Variants in CDK12 observed in about 807,000 individuals in gnomAD.
The protein encoded by CDK12 is cyclin-dependent kinase 12.
Under a neutral mutation model 133.8 loss-of-function variants are expected in CDK12, and 17 were observed. That is an observed-to-expected ratio of 0.13 (90% confidence interval 0.09 to 0.19). The LOEUF is 0.19. CDK12 is among the 10% of genes least tolerant of loss of function. The pLI is 1.00. For missense variants in CDK12, 1,508 were observed against 1,818.7 expected, an observed-to-expected ratio of 0.83 and a Z score of 3.11; for synonymous variants, 694 against 683.6, an observed-to-expected ratio of 1.02 and a Z score of -0.24.
upstream of CDK12, among the ~76,000 whole-genome samples, chr17:39,548,331 T>C (rs1321123448): frequency 1.3e-5 from 2 of 152,202 alleles, no homozygotes; most frequent in African/African-American, 4.8e-5. Context: ...CCAGCTGAAC[T>C]TGGGAAGCCC....
intron 8 of CDK12, among the ~76,000 whole-genome samples, chr17:39,511,843 CTTTG>C (rs2053524710): frequency 2.6e-5 from 4 of 151,450 alleles, no homozygotes; most frequent in Non-Finnish European, 4.4e-5. Context: ...TTTGTTTAAA[CTTTG>C]TTTGAATTGA....
At chr17:39,539,530 T>C (rs1236367589), downstream of CDK12, among the ~76,000 whole-genome samples, 3 of 152,202 alleles carry the variant, frequency 2.0e-5, no homozygotes, top group African/African-American at 7.2e-5. Flanking sequence ...CCATGAGGGC[T>C]GCTTCAGTGG....
At chr17:39,517,404 C>G (rs545643484) in intron 9 of CDK12, 36 bp from the exon 10 acceptor site, 4 of 1,168,790 alleles carry the variant, frequency 3.4e-6, no homozygotes, top group African/African-American at 1.5e-5. Flanking sequence ...TGTTGACTCA[C>G]TCACTCCATT....
chr17:39,494,043 G>T (rs2051866508), intron 4 of CDK12, among the ~76,000 whole-genome samples: 1 of 151,902 alleles, frequency 6.6e-6, no homozygotes, highest in Non-Finnish European at 1.5e-5. Context: ...GCCAGGAAAG[G>T]GAATATAAAA....
downstream of CDK12, chr17:39,567,255 G>A (rs1394633237): frequency 1.3e-5 from 2 of 152,226 alleles, no homozygotes; most frequent in Non-Finnish European, 2.9e-5. Context: ...GCTCTGACCT[G>A]TCTTTCTCTG....
At chr17:39,511,489 C>A in intron 7 of CDK12, 40 bp from the exon 8 acceptor site, 2 of 1,236,856 alleles carry the variant, frequency 1.6e-6, no homozygotes, top group Non-Finnish European at 2.4e-6. Context: ...TCATCAGAAG[C>A]CACTGTAAGT....
chr17:39,560,264 A>G (rs1453939469), intron 3 of CDK12, among the ~76,000 whole-genome samples: 1 of 152,250 alleles, frequency 6.6e-6, no homozygotes, highest in Non-Finnish European at 1.5e-5. Flanking sequence ...TAAAGCTGCT[A>G]TGAACATTCA....
At chr17:39,490,113 TC>T (rs1309458310) in intron 2 of CDK12, among the ~76,000 whole-genome samples, 1 of 151,980 alleles carries the variant, frequency 6.6e-6, no homozygotes, top group Non-Finnish European at 1.5e-5. Context: ...ACGCCTGTAA[TC>T]CCAGCATTTT....
chr17:39,478,485 T>G (rs1421284373), intron 2 of CDK12, among the ~76,000 whole-genome samples: 1 of 152,222 alleles, frequency 6.6e-6, no homozygotes, highest in African/African-American at 2.4e-5. Flanking sequence ...TGAGCCAACG[T>G]GCCCAGCCCT....
chr17:39,562,619 TA>T (rs1281565559), intron 3 of CDK12, among the ~76,000 whole-genome samples: 1 of 152,200 alleles, frequency 6.6e-6, no homozygotes, highest in African/African-American at 2.4e-5. Flanking sequence ...TAATTAGTGC[TA>T]AACTCATTTG....
chr17:39,541,158 C>T (rs1195364052), intron 1 of CDK12, among the ~76,000 whole-genome samples: 1 of 151,148 alleles, frequency 6.6e-6, no homozygotes, highest in Non-Finnish European at 1.5e-5. Context: ...CCCATCTACA[C>T]ACAGTTGAGT....
intron 12 of CDK12, among the ~76,000 whole-genome samples, chr17:39,525,308 T>C (rs1208284647): frequency 6.6e-6 from 1 of 152,234 alleles, no homozygotes; most frequent in Admixed American, 6.5e-5. Context: ...GACTGTTATT[T>C]TGATCTAAAT....
upstream of CDK12, among the ~76,000 whole-genome samples, chr17:39,545,470 G>A (rs938965989): frequency 1.4e-5 from 2 of 147,418 alleles, no homozygotes; most frequent in Non-Finnish European, 3.0e-5. Flanking sequence ...TTATAGACGT[G>A]AGCCACTGTG....
intron 3 of CDK12, among the ~76,000 whole-genome samples, chr17:39,560,751 T>C (rs4239223): frequency 0.79 from 119,998 of 152,236 alleles, 47,801 homozygotes; most frequent in South Asian, 0.92. Context: ...GGGTGGCTCA[T>C]GCCTGTAATC....
Position 39,471,417 on chromosome 17 carries a change from C to T in CDK12, c.1585C>T (p.Leu529Phe), listed in dbSNP as rs372766294. The T allele has an allele frequency of 3.1e-6, 5 of 1,613,790 alleles. No homozygotes were observed. The highest frequency in any genetic ancestry group is 1.7e-5 in the Admixed American group (1 of 59,950). The stretch of plus-strand genomic sequence containing the variant: ...ATCAGAAAAGGAGACCCCTCCACCT[C>T]TTCCCACAATTGCTTCTCCCCCACC... ...ETSEKETPPPLPTIASPPPPL... is the reference protein window; with the variant it reads ...ETSEKETPPPFPTIASPPPPL... The change falls in exon 2 of 14, where the codon CTT becomes TTT. Residue 529 changes from leucine (L) to phenylalanine (F), a missense_variant. By Grantham distance (22) the Leu-to-Phe change is conservative (BLOSUM62 0). Around this residue, in one of 9 missense-constraint regions of CDK12, gnomAD observed 347 missense variants for 330.8 expected, o/e 1.05. Transcript: ENST00000447079.
intron 6 of CDK12, among the ~76,000 whole-genome samples, chr17:39,506,679 T>C (rs4795375): frequency 0.79 from 119,782 of 151,986 alleles, 47,722 homozygotes; most frequent in South Asian, 0.92. Flanking sequence ...GGGGTCCAGG[T>C]AGGCAAGGGA....
intron 1 of CDK12, among the ~76,000 whole-genome samples, chr17:39,469,829 G>A (rs1195806235): frequency 1.3e-5 from 2 of 151,798 alleles, no homozygotes; most frequent in African/African-American, 4.8e-5. Context: ...TAGAGACGGG[G>A]TTTCTCCATG....
intron 8 of CDK12, 56 bp downstream of exon 8, chr17:39,511,686 CT>C: frequency 1.7e-6 from 2 of 1,157,354 alleles, no homozygotes; most frequent in Non-Finnish European, 2.6e-6. Flanking sequence ...TTGACTTGTA[CT>C]TTGTTTTCTC....
chr17:39,562,360 C>G (rs562214631), intron 3 of CDK12, among the ~76,000 whole-genome samples: 1 of 152,314 alleles, frequency 6.6e-6, no homozygotes, highest in South Asian at 2.1e-4. Flanking sequence ...TTTACTAGCT[C>G]TTTCACCTCT....
Sources: gnomAD v4.1 joint callset for allele counts (sites outside exome capture counted in the v4.1 genomes callset) on GRCh38, gnomAD v4.1.1 for gene constraint, gnomAD v4.1.1 regional missense constraint, MANE v1.5 for transcripts, NCBI Gene and HGNC (gene_info 2026-07-23, HGNC 2026-07-21) for gene names.